KCNMA1: variants seen among roughly 807,000 people sequenced by gnomAD.
KCNMA1 encodes the protein Calcium-activated potassium channel subunit alpha-1.
In KCNMA1, 29 loss-of-function variants were observed where a neutral mutation model predicts 140.0. That is an observed-to-expected ratio of 0.21 (90% CI 0.15 to 0.28). The LOEUF is 0.28. Among genes scored for constraint, KCNMA1 ranks in the 10% least tolerant of loss-of-function variants. KCNMA1 has a pLI of 1.00. For missense variants in KCNMA1, 880 were observed against 1,602.2 expected (o/e 0.55, Z 7.70); for synonymous variants, 612 against 611.9 (o/e 1.00, Z 0.00).
At position 77,439,159 on chromosome 10, in the gene KCNMA1, GAAGAA is replaced by G. The variant is rs1487030816; in HGVS notation, c.379-35141_379-35137del. On this transcript the variant is annotated intron_variant, in intron 1 of 27. Coordinates refer to ENST00000286628, the MANE Select transcript of KCNMA1 (RefSeq NM_001161352.2). ...AGAGAAGAGAAGAGAAAAGAGAAGA[GAAGAA>G]AAGAAAAGAGAAGAGAAGATTCCAA... Among the ~76,000 whole-genome samples, 874 of 124,930 alleles carry G rather than the reference GAAGAA, an allele frequency of 7.0e-3. 3 individuals are homozygous for G. Among genetic ancestry groups the G allele is most frequent in the Middle Eastern group, 0.013 (3 of 224 alleles). The allele number at this position is 124,930 out of a possible 152,430, so 82.0% of individuals were successfully genotyped here.
In KCNMA1 at chr10:76,887,118, C is replaced by A; in HGVS notation, c.*148G>T. On this transcript the variant is annotated 3_prime_UTR_variant, in exon 28 of 28. Coordinates refer to ENST00000286628, the MANE Select transcript of KCNMA1 (RefSeq NM_001161352.2). ...ATGGTGGTGAAATAAAAATGACAAC[C>A]ACATGCACACTATCATACATATGCA... 1 of 1,587,432 alleles carries A rather than the reference C, an allele frequency of 6.3e-7. No homozygotes were observed. Among genetic ancestry groups the A allele is most frequent in the South Asian group, 1.1e-5 (1 of 89,028 alleles).
Position 77,637,113 on chromosome 10 carries a change from C to T in KCNMA1, c.378+152G>A, listed in dbSNP as rs764776684. The T allele has an allele frequency of 9.4e-6, 12 of 1,273,718 alleles. No homozygotes were observed. In the South Asian group the frequency reaches 1.1e-4, roughly 12 times the overall value. The allele number at this position is 1,273,718 out of a possible 1,614,324, so 78.9% of individuals were successfully genotyped here. The stretch of plus-strand genomic sequence containing the variant: ...CGCCCGCTGCCCCGATCCGAGAGCA[C>T]CGGGAGAGCCGAGGGAAGGGAAGGC... On this transcript the variant is annotated intron_variant, in intron 1 of 27. Coordinates refer to ENST00000286628, the MANE Select transcript of KCNMA1 (RefSeq NM_001161352.2).
intron 1 of KCNMA1, among the ~76,000 whole-genome samples, chr10:77,528,989 G>T (rs2056802122): frequency 1.3e-5 from 2 of 152,096 alleles, no homozygotes; most frequent in South Asian, 4.1e-4. Context: ...TGCAGTGCTG[G>T]ACGGTTCTGG....
At chr10:77,506,810 CGA>C (rs1175693830) in intron 1 of KCNMA1, among the ~76,000 whole-genome samples, 2 of 34,530 alleles carry the variant, frequency 5.8e-5, no homozygotes, top group African/African-American at 1.1e-4. Flanking sequence ...AAAGATGTTC[CGA>C]GAGAGAGAGA....
At chr10:77,491,847 T>C (rs2040044438) in intron 1 of KCNMA1, among the ~76,000 whole-genome samples, 2 of 152,066 alleles carry the variant, frequency 1.3e-5, no homozygotes, top group South Asian at 4.1e-4. Flanking sequence ...GTATTAGCCA[T>C]TCGGTTATTT....
chr10:77,530,983 T>A (rs1278754065), intron 1 of KCNMA1, among the ~76,000 whole-genome samples: 1 of 152,198 alleles, frequency 6.6e-6, no homozygotes, highest in South Asian at 2.1e-4. Context: ...GCATCTTGCA[T>A]CCCACCAGCA....
chr10:77,264,090 G>A (rs1256104500), intron 2 of KCNMA1, among the ~76,000 whole-genome samples: 2 of 152,128 alleles, frequency 1.3e-5, no homozygotes, highest in Non-Finnish European at 2.9e-5. Flanking sequence ...CTACAGCCTG[G>A]AAAGTTGGAA....
chr10:77,504,670 C>T (rs1015052009), intron 1 of KCNMA1, among the ~76,000 whole-genome samples: 33 of 152,034 alleles, frequency 2.2e-4, no homozygotes, highest in Non-Finnish European at 2.6e-4. Context: ...GCTCATTGCA[C>T]TATGATGCAA....
intron 2 of KCNMA1, among the ~76,000 whole-genome samples, chr10:77,327,185 G>T (rs1347585429): frequency 6.6e-6 from 1 of 151,762 alleles, no homozygotes; most frequent in African/African-American, 2.4e-5. Context: ...TAACCCTTCT[G>T]CACAGCATAC....
At chr10:77,037,454 G>A (rs2094408865) in intron 15 of KCNMA1, among the ~76,000 whole-genome samples, 1 of 152,162 alleles carries the variant, frequency 6.6e-6, no homozygotes, top group South Asian at 2.1e-4. Flanking sequence ...ATATCTACGT[G>A]AGTCAAACAT....
At chr10:76,903,179 ATCCTCC>A (rs2152231350) in intron 25 of KCNMA1, 1 of 152,458 alleles carries the variant, frequency 6.6e-6, no homozygotes, top group South Asian at 2.1e-4. Context: ...CCGCCCAAGC[ATCCTCC>A]TCTTTTTATT....
intron 3 of KCNMA1, among the ~76,000 whole-genome samples, chr10:77,208,062 A>G (rs142874871): frequency 3.9e-5 from 6 of 152,320 alleles, no homozygotes; most frequent in African/African-American, 1.4e-4. Context: ...CACATCTTCC[A>G]TTTTACACAT....
At chr10:77,241,800 G>A (rs946932279) in intron 3 of KCNMA1, among the ~76,000 whole-genome samples, 14 of 152,168 alleles carry the variant, frequency 9.2e-5, no homozygotes, top group African/African-American at 3.1e-4. Flanking sequence ...GTGACAGAGT[G>A]AGACCGTGTC....
intron 5 of KCNMA1, among the ~76,000 whole-genome samples, chr10:77,169,959 G>A (rs1265491): frequency 0.88 from 133,825 of 152,160 alleles, 58,831 homozygotes; most frequent in East Asian, 0.91. Flanking sequence ...GGGAGACCGA[G>A]GTGGGCAGAT....
intron 9 of KCNMA1, among the ~76,000 whole-genome samples, chr10:77,099,287 T>C (rs1458537656): frequency 2.0e-5 from 3 of 152,152 alleles, no homozygotes; most frequent in Non-Finnish European, 4.4e-5. Context: ...GCACATACTG[T>C]TGGGACTGAC....
At chr10:77,156,259 A>C (rs1294971663) in intron 5 of KCNMA1, among the ~76,000 whole-genome samples, 1 of 150,084 alleles carries the variant, frequency 6.7e-6, no homozygotes, top group Non-Finnish European at 1.5e-5. Context: ...AAAAAAAGTT[A>C]AATGAAAACA....
chr10:76,879,452 AT>A (rs1426387522), intron 29 of KCNMA1, among the ~76,000 whole-genome samples: 1 of 152,136 alleles, frequency 6.6e-6, no homozygotes, highest in Non-Finnish European at 1.5e-5. Context: ...AAGCTAACTG[AT>A]TAAGTGCTTT....
intron 23 of KCNMA1, among the ~76,000 whole-genome samples, chr10:76,927,270 T>C (rs1023709118): frequency 2.0e-5 from 3 of 152,192 alleles, no homozygotes; most frequent in African/African-American, 7.2e-5. Context: ...GAGAAGGAAG[T>C]ACTTTCTCCA....
At chr10:77,229,789 A>G (rs2052936908) in intron 3 of KCNMA1, among the ~76,000 whole-genome samples, 1 of 152,192 alleles carries the variant, frequency 6.6e-6, no homozygotes, top group Non-Finnish European at 1.5e-5. Context: ...CAAACAAACA[A>G]AAACAAAATA....
Sources: gnomAD v4.1 joint callset for allele counts (sites outside exome capture counted in the v4.1 genomes callset) on GRCh38, gnomAD v4.1.1 for gene constraint, MANE v1.5 for transcripts, NCBI Gene and HGNC (gene_info 2026-07-23, HGNC 2026-07-21) for gene names.